MTRES1: variants seen among roughly 807,000 people sequenced by gnomAD.
MTRES1 encodes the protein uncharacterized protein C6orf203.
MTRES1 carries 11 observed loss-of-function variants against 17.4 expected under a neutral mutation model. The observed-to-expected ratio is 0.63, with a 90% CI of 0.40 to 1.05. The LOEUF (loss-of-function observed/expected upper bound fraction) is 1.05, where lower values mean the gene tolerates loss of function less well. Ranked by LOEUF, MTRES1 falls within the 50% of genes least tolerant of loss-of-function variation. The pLI is 0.00. For synonymous variants in MTRES1, 94 were observed against 99.6 expected, an observed-to-expected ratio of 0.94 and a Z score of 0.34; for missense variants, 268 against 276.2, an observed-to-expected ratio of 0.97 and a Z score of 0.21.
rs187259343 is a variant in MTRES1, at chr6:107,041,780, C to T, written c.470+1550C>T. ...CCTGACCTCGTGATCCACCCACCTC[C>T]GCTCCCAAAGTGCTGGGATTACAGG... On this transcript the variant is annotated intron_variant, in intron 2 of 3. Coordinates refer to ENST00000311381, the MANE Select transcript of MTRES1 (RefSeq NM_016487.5). Among the ~76,000 whole-genome samples, 673 of 151,878 alleles carry T rather than the reference C, an allele frequency of 4.4e-3. 2 individuals carry two copies. Among genetic ancestry groups the T allele is most frequent in the African/African-American group, 0.015 (636 of 41,484 alleles).
chr6:107,048,288 T>A (rs567762484), intron 3 of MTRES1, among the ~76,000 whole-genome samples: 1 of 151,828 alleles, frequency 6.6e-6, no homozygotes, highest in East Asian at 2.0e-4. Context: ...GCACCTACCA[T>A]CACGTTCTGA....
chr6:107,036,640 G>A (rs1034640911), intron 1 of MTRES1, among the ~76,000 whole-genome samples: 2 of 152,014 alleles, frequency 1.3e-5, no homozygotes, highest in African/African-American at 4.8e-5. Flanking sequence ...TCAGGAGATC[G>A]AGACCATCCT....
chr6:107,047,701 A>G (rs1554228575), intron 3 of MTRES1, among the ~76,000 whole-genome samples: 1 of 152,012 alleles, frequency 6.6e-6, no homozygotes, highest in African/African-American at 2.4e-5. Flanking sequence ...CCTGGCCAAC[A>G]TGGTGAAACC....
chr6:107,043,346 AAAG>A (rs1434197638), intron 2 of MTRES1, among the ~76,000 whole-genome samples: 1 of 152,066 alleles, frequency 6.6e-6, no homozygotes, highest in African/African-American at 2.4e-5. Context: ...AAAAAAAAAA[AAAG>A]TAATGGCAAG....
intron 1 of MTRES1, among the ~76,000 whole-genome samples, chr6:107,038,729 G>C (rs879987540): frequency 1.3e-5 from 2 of 152,164 alleles, no homozygotes; most frequent in Non-Finnish European, 2.9e-5. Context: ...ATGTATGTCA[G>C]TCAACAGTCT....
At chr6:107,050,551 C>CTTTTTTTTTTTTTTTTTTTTTTG (rs1774558105) in intron 3 of MTRES1, among the ~76,000 whole-genome samples, 1 of 81,516 alleles carries the variant, frequency 1.2e-5, no homozygotes, top group Non-Finnish European at 2.2e-5. Flanking sequence ...CTCTCCCTTT[C>CTTTTTTTTTTTTTTTTTTTTTTG]TTTTTTTTTT....
At chr6:107,041,161 C>A (rs1342271574) in intron 2 of MTRES1, among the ~76,000 whole-genome samples, 1 of 147,178 alleles carries the variant, frequency 6.8e-6, no homozygotes, top group Admixed American at 6.9e-5. Flanking sequence ...GGAGGCGGAG[C>A]TTGCAGTGAG....
intron 2 of MTRES1, among the ~76,000 whole-genome samples, chr6:107,041,092 G>A (rs1774193511): frequency 6.6e-6 from 1 of 151,230 alleles, no homozygotes; most frequent in East Asian, 2.0e-4. Context: ...CAGGCGTGGT[G>A]GCAGGCGCCT....
In MTRES1 at chr6:107,040,207, G is replaced by T. The variant is rs1554227532; in HGVS notation, c.447G>T (p.Lys149Asn). 1.2e-6 allele frequency: 2 copies of T among 1,601,214 alleles called. No homozygotes were observed. Among genetic ancestry groups the T allele is most frequent in the Admixed American group, 1.8e-5 (1 of 56,166 alleles). ...CTTTTCGGTATGATGTTGTCCTGAA[G>T]ACGGGGCTAGATATTGGGAGAAAGT... ...VQSFRYDVVL[K>N]TGLDIGRNKV... Residue 149 changes from lysine (K) to asparagine (N), a missense_variant, in exon 2 of 4, where the codon AAG becomes AAT. Lys to Asn is a moderately conservative substitution (Grantham distance 94). Coordinates refer to ENST00000311381, the MANE Select transcript of MTRES1 (RefSeq NM_016487.5).
chr6:107,043,289 A>G (rs311250), intron 2 of MTRES1, among the ~76,000 whole-genome samples: 143,240 of 151,580 alleles, frequency 0.94, 67,889 homozygotes, highest in East Asian at 1. Flanking sequence ...AGCCGAGACC[A>G]CACCACCGCA....
chr6:107,031,431 G>A (rs1773835595), intron 1 of MTRES1, among the ~76,000 whole-genome samples: 1 of 113,088 alleles, frequency 8.8e-6, no homozygotes, highest in Non-Finnish European at 1.7e-5. Context: ...AAGAGAAGGA[G>A]GCAGCAAAGG....
chr6:107,040,379 A>T, intron 2 of MTRES1, 149 bp downstream of exon 2: 1 of 606,072 alleles, frequency 1.6e-6, no homozygotes, highest in Non-Finnish European at 2.6e-6. Context: ...TTCATTTTAT[A>T]GATGAGCAAA....
Position 107,040,097 on chromosome 6 carries a change from G to A in MTRES1, c.337G>A (p.Asp113Asn), listed in dbSNP as rs1774149128. ...EEDSDEESHH[D>N]EMSEQEEELE... ...GGACTCTGATGAAGAAAGCCATCAT[G>A]ATGAGATGAGTGAGCAGGAAGAGGA... The change falls in exon 2 of 4, where the codon GAT becomes AAT. Residue 113 changes from aspartate to asparagine, a missense_variant. Coordinates refer to ENST00000311381, the MANE Select transcript of MTRES1 (RefSeq NM_016487.5). 6.2e-7 allele frequency: 1 copy of A among 1,613,832 alleles called. No individual in the cohort carries two copies. The highest frequency in any genetic ancestry group is 8.5e-7 in the Non-Finnish European group (1 of 1,180,030).
chr6:107,036,975 T>C (rs1445958409), intron 1 of MTRES1, among the ~76,000 whole-genome samples: 15 of 151,958 alleles, frequency 9.9e-5, no homozygotes, highest in African/African-American at 3.6e-4. Flanking sequence ...AGAGATAGAG[T>C]CTTACTGTTG....
intron 1 of MTRES1, chr6:107,030,087 C>G: frequency 1.4e-6 from 1 of 718,378 alleles, no homozygotes; most frequent in Non-Finnish European, 2.6e-6. Flanking sequence ...TCCTAGTGCC[C>G]AGATTAGTGC....
At chr6:107,036,736 G>A (rs1052177776) in intron 1 of MTRES1, among the ~76,000 whole-genome samples, 1 of 151,494 alleles carries the variant, frequency 6.6e-6, no homozygotes, top group East Asian at 2.0e-4. Context: ...CCAGCTACTC[G>A]GGAGGCTGAG....
intron 2 of MTRES1, among the ~76,000 whole-genome samples, chr6:107,041,997 G>T (rs1176068680): frequency 6.6e-6 from 1 of 152,020 alleles, no homozygotes; most frequent in Admixed American, 6.6e-5. Context: ...GTACCTTTAT[G>T]ACCTAATGTA....
At position 107,044,345 on chromosome 6, in the gene MTRES1, C is replaced by T; in HGVS notation, c.543+13C>T. On this transcript the variant is annotated intron_variant, in intron 3 of 3. Coordinates refer to ENST00000311381, the MANE Select transcript of MTRES1 (RefSeq NM_016487.5). ...GAAAAGCAGAACGGTGAGATACTAA[C>T]CTAAAATGACAGCCAGATGTTTTCG... The T allele has an allele frequency of 1.9e-6, 3 of 1,601,372 alleles. No homozygotes were observed. Among genetic ancestry groups the T allele is most frequent in the Admixed American group, 1.7e-5 (1 of 59,850 alleles).
chr6:107,049,660 A>G (rs9480722), intron 3 of MTRES1, among the ~76,000 whole-genome samples: 139,858 of 148,766 alleles, frequency 0.94, 65,996 homozygotes, highest in East Asian at 1. Context: ...TGATCTGCCC[A>G]CCTCAGCCTC....
Sources: gnomAD v4.1 joint callset for allele counts (sites outside exome capture counted in the v4.1 genomes callset) on GRCh38, gnomAD v4.1.1 for gene constraint, MANE v1.5 for transcripts, NCBI Gene and HGNC (gene_info 2026-07-23, HGNC 2026-07-21) for gene names.